SLC2A13: variants seen among roughly 807,000 people sequenced by gnomAD.
SLC2A13 encodes the protein solute carrier family 2 member 13, also known as proton myo-inositol cotransporter.
SLC2A13 carries 32 observed loss-of-function variants against 64.4 expected under a neutral mutation model. The ratio of observed to expected loss-of-function variants is 0.50; its 90% CI spans 0.37 to 0.67. The LOEUF (loss-of-function observed/expected upper bound fraction) is 0.67. Among genes scored for constraint, SLC2A13 ranks in the 30% least tolerant of loss-of-function variants. The probability of loss-of-function intolerance (pLI) is 0.00; values close to 1 mark genes in which losing one functional copy is unlikely to be tolerated. For synonymous variants in SLC2A13, 338 were observed against 327.1 expected (o/e 1.03, Z -0.36); for missense variants, 743 against 829.2 (o/e 0.90, Z 1.28).
At chr12:39,812,777 T>C (rs1290164794) in intron 7 of SLC2A13, among the ~76,000 whole-genome samples, 1 of 151,116 alleles carries the variant, frequency 6.6e-6, no homozygotes, top group African/African-American at 2.4e-5. Context: ...TGGCGGTTTC[T>C]AATTTCAACA....
At chr12:40,047,302 T>C (rs962056463) in intron 2 of SLC2A13, among the ~76,000 whole-genome samples, 1 of 152,212 alleles carries the variant, frequency 6.6e-6, no homozygotes, top group African/African-American at 2.4e-5. Flanking sequence ...TATTCCCCAG[T>C]ATCTACAGAG....
rs184025609 is a variant in SLC2A13 at position 39,964,046 on chromosome 12, T to C, written c.926-12681A>G. On this transcript the variant is annotated intron_variant, in intron 3 of 9. Transcript: ENST00000280871. ...CTACTGCAAACATAAGGGGGTACCTTGAAATGTAACATCTTAAAAGAAAGA... is the reference window on the plus strand; with the variant it reads ...CTACTGCAAACATAAGGGGGTACCTCGAAATGTAACATCTTAAAAGAAAGA... Among the ~76,000 whole-genome samples, 6 of 152,280 alleles carry C rather than the reference T, an allele frequency of 3.9e-5. No individual in the cohort carries two copies. In the East Asian group the frequency reaches 9.7e-4, roughly 24 times the overall value.
At chr12:39,972,713 A>G (rs1056257990) in intron 3 of SLC2A13, among the ~76,000 whole-genome samples, 4 of 152,186 alleles carry the variant, frequency 2.6e-5, no homozygotes, top group African/African-American at 7.2e-5. Flanking sequence ...TAAAAAACCC[A>G]TATCATTCTC....
At chr12:39,818,292 TG>T (rs1942395823) in intron 7 of SLC2A13, among the ~76,000 whole-genome samples, 1 of 148,272 alleles carries the variant, frequency 6.7e-6, no homozygotes. Flanking sequence ...AAAAATGAGT[TG>T]GGGGGAGGGG....
chr12:39,900,793 C>T (rs1945076209), intron 4 of SLC2A13, among the ~76,000 whole-genome samples: 1 of 152,172 alleles, frequency 6.6e-6, no homozygotes, highest in Non-Finnish European at 1.5e-5. Flanking sequence ...AATGCCATCC[C>T]CATCAGGCTA....
At chr12:39,798,582 A>G (rs1332440609) in intron 7 of SLC2A13, among the ~76,000 whole-genome samples, 1 of 152,222 alleles carries the variant, frequency 6.6e-6, no homozygotes, top group African/African-American at 2.4e-5. Flanking sequence ...CTGTAAAGCA[A>G]GTGCTTCTGT....
At position 39,942,291 on chromosome 12, in the gene SLC2A13, T is replaced by C. The variant is rs1946044992; in HGVS notation, c.1034+8966A>G. ...TGGGGATTGTATTAAATCTGTAGAC[T>C]GCTTTTGGCAGTATGGTCATGTTCA... On this transcript the variant is annotated intron_variant, in intron 4 of 9. Transcript: ENST00000280871. Among the ~76,000 whole-genome samples the C allele has an allele frequency of 2.0e-5, 3 of 152,354 alleles. No homozygotes were observed. In the South Asian group the frequency reaches 6.2e-4, roughly 32 times the overall value.
chr12:39,831,325 T>C (rs1198432075), intron 6 of SLC2A13, among the ~76,000 whole-genome samples: 1 of 151,944 alleles, frequency 6.6e-6, no homozygotes, highest in Non-Finnish European at 1.5e-5. Context: ...GGCCAAGAGG[T>C]AGAGCAAAGG....
At chr12:40,079,506 A>G (rs1340568401) in intron 1 of SLC2A13, among the ~76,000 whole-genome samples, 1 of 152,132 alleles carries the variant, frequency 6.6e-6, no homozygotes, top group East Asian at 1.9e-4. Context: ...TTTTGTTGAG[A>G]ATTGCTTTAT....
chr12:40,064,992 C>T (rs547600345), intron 1 of SLC2A13, among the ~76,000 whole-genome samples: 2 of 151,994 alleles, frequency 1.3e-5, no homozygotes, highest in South Asian at 4.2e-4. Context: ...CAAAACAATC[C>T]CAGTTTTTTT....
chr12:39,773,169 G>A (rs1290533780), intron 7 of SLC2A13, among the ~76,000 whole-genome samples: 1 of 152,186 alleles, frequency 6.6e-6, no homozygotes, highest in Admixed American at 6.5e-5. Flanking sequence ...GCTCTTGGAT[G>A]TGGCACCTTT....
chr12:40,068,333 T>C (rs1285817415), intron 1 of SLC2A13: 3 of 410,684 alleles, frequency 7.3e-6, no homozygotes, highest in Non-Finnish European at 1.5e-5. Flanking sequence ...TGTAGTATTT[T>C]CCACATGCTG....
chr12:39,954,600 T>C (rs775260451), intron 3 of SLC2A13, among the ~76,000 whole-genome samples: 13 of 152,202 alleles, frequency 8.5e-5, no homozygotes, highest in Non-Finnish European at 1.3e-4. Flanking sequence ...GGTGTAAGTT[T>C]AGTCCTAGAT....
At chr12:39,805,532 G>C (rs1408578775) in intron 7 of SLC2A13, among the ~76,000 whole-genome samples, 1 of 150,994 alleles carries the variant, frequency 6.6e-6, no homozygotes, top group South Asian at 2.1e-4. Flanking sequence ...TTTTTCCCCA[G>C]AGACTTTATT....
intron 1 of SLC2A13, among the ~76,000 whole-genome samples, chr12:40,048,658 T>C (rs1948205577): frequency 6.6e-6 from 1 of 152,178 alleles, no homozygotes; most frequent in Non-Finnish European, 1.5e-5. Context: ...TGCCAGTAGA[T>C]TTACTAAACT....
intron 8 of SLC2A13, 33 bp downstream of exon 8, chr12:39,764,704 T>C: frequency 6.3e-7 from 1 of 1,597,636 alleles, no homozygotes; most frequent in East Asian, 2.2e-5. Context: ...GGCAATTCAA[T>C]TAATGCAACA....
intron 1 of SLC2A13, among the ~76,000 whole-genome samples, chr12:40,102,152 G>A (rs1322627535): frequency 1.3e-5 from 2 of 152,154 alleles, no homozygotes; most frequent in African/African-American, 2.4e-5. Context: ...GCACTACAGA[G>A]AAATGTCTCT....
At chr12:40,042,508 G>T (rs1423659751) in intron 2 of SLC2A13, among the ~76,000 whole-genome samples, 2 of 152,066 alleles carry the variant, frequency 1.3e-5, no homozygotes, top group Admixed American at 6.6e-5. Context: ...TGTACCTGCA[G>T]AAACACATAT....
chr12:40,028,595 C>T (rs1947860393), intron 2 of SLC2A13, 86 bp from the exon 3 acceptor site: 2 of 1,281,316 alleles, frequency 1.6e-6, no homozygotes, highest in African/African-American at 1.5e-5. Context: ...GTGTTGACAA[C>T]AATAATACTT....
Sources: gnomAD v4.1 joint callset for allele counts (sites outside exome capture counted in the v4.1 genomes callset) on GRCh38, gnomAD v4.1.1 for gene constraint, MANE v1.5 for transcripts, NCBI Gene and HGNC (gene_info 2026-07-23, HGNC 2026-07-21) for gene names.